PRKG1: variants seen among roughly 807,000 people sequenced by gnomAD.
PRKG1 encodes cGMP-dependent protein kinase 1.
A neutral mutation model predicts 88.1 loss-of-function variants in PRKG1; 35 were observed. The observed-to-expected ratio is 0.40, with a 90% CI of 0.30 to 0.53. The LOEUF is 0.53. PRKG1 is among the 20% of genes least tolerant of loss of function. PRKG1 has a pLI of 0.59. For synonymous variants in PRKG1, 303 were observed against 292.5 expected (o/e 1.04, Z -0.37); for missense variants, 540 against 839.8 (o/e 0.64, Z 4.41).
At chr10:52,035,414 A>C (rs954023034) in intron 5 of PRKG1, among the ~76,000 whole-genome samples, 4 of 152,196 alleles carry the variant, frequency 2.6e-5, no homozygotes, top group African/African-American at 9.7e-5. Flanking sequence ...CCACGATGGA[A>C]AGGAAATGAG....
chr10:51,689,353 TAC>T (rs1841079477), intron 3 of PRKG1, among the ~76,000 whole-genome samples: 1 of 152,200 alleles, frequency 6.6e-6, no homozygotes, highest in Non-Finnish European at 1.5e-5. Context: ...ACATTATCTA[TAC>T]CTATGTTTGT....
chr10:51,188,412 A>G (rs1300766806), intron 2 of PRKG1, among the ~76,000 whole-genome samples: 3 of 152,018 alleles, frequency 2.0e-5, no homozygotes, highest in African/African-American at 7.2e-5. Flanking sequence ...TAAACAAAGT[A>G]GTTTTTCAAT....
chr10:51,325,892 T>A (rs1841578836), intron 2 of PRKG1, among the ~76,000 whole-genome samples: 1 of 152,152 alleles, frequency 6.6e-6, no homozygotes, highest in South Asian at 2.1e-4. Context: ...TGCTGAAACC[T>A]GCTGGGAGAC....
chr10:51,864,496 G>T (rs1404965401), intron 4 of PRKG1, among the ~76,000 whole-genome samples: 1 of 152,216 alleles, frequency 6.6e-6, no homozygotes. Flanking sequence ...CGTAGTAATT[G>T]CAAGGTAATG....
At chr10:51,329,321 C>T (rs1419582923) in intron 2 of PRKG1, among the ~76,000 whole-genome samples, 2 of 152,078 alleles carry the variant, frequency 1.3e-5, no homozygotes, top group Non-Finnish European at 2.9e-5. Context: ...TTGAAGAGAA[C>T]GCCCCTTTGC....
In PRKG1 at chr10:51,616,562, A is replaced by AG. The variant is rs527336006; in HGVS notation, c.592+148728dup. 7.2e-5 allele frequency among the ~76,000 whole-genome samples: 11 copies of AG among 152,176 alleles called. No homozygotes were observed. The South Asian group carries it at 2.1e-3, about 29-fold the overall frequency. On this transcript the variant is annotated intron_variant, in intron 3 of 17. Transcript: ENST00000373980. ...TCTCAAGCCCCAAAGATAAGTGCTCAGGTGCCAACAGTGATGGAATGGGCT... is the reference window on the plus strand; with the variant it reads ...TCTCAAGCCCCAAAGATAAGTGCTCAGGGTGCCAACAGTGATGGAATGGGCT...
intron 2 of PRKG1, among the ~76,000 whole-genome samples, chr10:51,282,883 T>C (rs538619377): frequency 3.9e-4 from 60 of 152,228 alleles, no homozygotes; most frequent in African/African-American, 1.4e-3. Context: ...ATTTGGGGGG[T>C]ACATGTGCAG....
intron 1 of PRKG1, among the ~76,000 whole-genome samples, chr10:51,048,747 A>G (rs1272655898): frequency 6.6e-6 from 1 of 152,204 alleles, no homozygotes; most frequent in East Asian, 1.9e-4. Flanking sequence ...CCACTAGACA[A>G]GTGGCCAACA....
At chr10:51,161,058 A>G (rs1846347800) in intron 2 of PRKG1, among the ~76,000 whole-genome samples, 1 of 152,158 alleles carries the variant, frequency 6.6e-6, no homozygotes, top group South Asian at 2.1e-4. Flanking sequence ...TTTTTTCAAT[A>G]TATTTTAAGA....
chr10:51,839,072 T>A (rs1840201915), intron 4 of PRKG1, among the ~76,000 whole-genome samples: 2 of 152,132 alleles, frequency 1.3e-5, no homozygotes, highest in Admixed American at 1.3e-4. Context: ...GCAGCAGAAA[T>A]GTGTCAGAAA....
intron 3 of PRKG1, among the ~76,000 whole-genome samples, chr10:51,725,416 T>TA (rs926297747): frequency 2.0e-5 from 3 of 150,194 alleles, no homozygotes; most frequent in Non-Finnish European, 4.4e-5. Context: ...CATGGTAGGG[T>TA]AAAAAGACAC....
intron 2 of PRKG1, among the ~76,000 whole-genome samples, chr10:51,321,217 G>A (rs781671574): frequency 5.9e-5 from 9 of 152,144 alleles, no homozygotes; most frequent in Admixed American, 4.6e-4. Context: ...CTAGGCTTCA[G>A]CTGTGTAATC....
chr10:51,026,674 G>A (rs1444628415), intron 1 of PRKG1, among the ~76,000 whole-genome samples: 2 of 152,114 alleles, frequency 1.3e-5, no homozygotes, highest in African/African-American at 4.8e-5. Context: ...ACAGCAGCTA[G>A]TTGTGGATAA....
intron 3 of PRKG1, among the ~76,000 whole-genome samples, chr10:51,734,064 GC>G (rs2132476056): frequency 6.6e-6 from 1 of 151,666 alleles, no homozygotes; most frequent in African/African-American, 2.4e-5. Context: ...AAGTATTTTA[GC>G]TTTTTTAAAA....
chr10:51,879,472 G>T (rs968097829), intron 4 of PRKG1, among the ~76,000 whole-genome samples: 1 of 152,170 alleles, frequency 6.6e-6, no homozygotes, highest in African/African-American at 2.4e-5. Context: ...AGTATAAAGT[G>T]CTGTAAGAGC....
At chr10:51,869,296 C>T (rs1841096304) in intron 4 of PRKG1, among the ~76,000 whole-genome samples, 2 of 152,068 alleles carry the variant, frequency 1.3e-5, no homozygotes, top group Admixed American at 6.6e-5. Flanking sequence ...TGATGTGCTC[C>T]AGGTCAACAT....
rs530470565 is a variant in PRKG1 at position 51,095,344 on chromosome 10, C to G, written c.311+20443C>G. On this transcript the variant is annotated intron_variant, in intron 1 of 17. Transcript: ENST00000373980. The stretch of plus-strand genomic sequence containing the variant: ...ATATGAGCTCCCAAAATGTTTTGGT[C>G]AAACGGTTTGGCTCTCCGTGTTTTT... 9.8e-4 allele frequency among the ~76,000 whole-genome samples: 149 copies of G among 152,190 alleles called. 1 individual carries two copies. Among genetic ancestry groups the G allele is most frequent in the African/African-American group, 3.5e-3 (145 of 41,532 alleles).
At chr10:52,011,933 G>C (rs1322237843) in intron 5 of PRKG1, among the ~76,000 whole-genome samples, 1 of 152,278 alleles carries the variant, frequency 6.6e-6, no homozygotes, top group East Asian at 1.9e-4. Context: ...TTTGCCTGCT[G>C]CCATCCATGT....
At chr10:51,886,415 T>A (rs1207326909) in intron 4 of PRKG1, among the ~76,000 whole-genome samples, 1 of 152,236 alleles carries the variant, frequency 6.6e-6, no homozygotes, top group Non-Finnish European at 1.5e-5. Flanking sequence ...CATGCACATT[T>A]TATTTTCCCT....
Sources: gnomAD v4.1 joint callset for allele counts (sites outside exome capture counted in the v4.1 genomes callset) on GRCh38, gnomAD v4.1.1 for gene constraint, MANE v1.5 for transcripts, NCBI Gene and HGNC (gene_info 2026-07-23, HGNC 2026-07-21) for gene names.